Variants in SDK1 observed in about 807,000 individuals in gnomAD.
SDK1 encodes the protein protein sidekick-1.
SDK1 carries 157 observed loss-of-function variants against 245.5 expected under a neutral mutation model. The ratio of observed to expected loss-of-function variants is 0.64; its 90% confidence interval spans 0.56 to 0.73. The LOEUF is 0.73. Among genes scored for constraint, SDK1 ranks in the 30% least tolerant of loss-of-function variants. The pLI is 0.00. For missense variants in SDK1, 3,583 were observed against 3,002.3 expected (o/e 1.19, Z -4.52); for synonymous variants, 1,647 against 1,278.5 (o/e 1.29, Z -6.15).
chr7:3,539,276 A>G (rs1178842586), intron 1 of SDK1, among the ~76,000 whole-genome samples: 1 of 152,136 alleles, frequency 6.6e-6, no homozygotes, highest in Non-Finnish European at 1.5e-5. Flanking sequence ...GTTTTTAGCA[A>G]TTCCTTCAAA....
chr7:3,707,944 T>A (rs920371611), intron 4 of SDK1, among the ~76,000 whole-genome samples: 2 of 152,210 alleles, frequency 1.3e-5, no homozygotes, highest in Admixed American at 1.3e-4. Flanking sequence ...TTTTTATGAA[T>A]CCTCATGTAT....
intron 35 of SDK1, among the ~76,000 whole-genome samples, chr7:4,185,620 G>C (rs1369548254): frequency 6.6e-6 from 1 of 152,184 alleles, no homozygotes; most frequent in Non-Finnish European, 1.5e-5. Flanking sequence ...TGGGGCAGCT[G>C]TCTTCTCTTT....
intron 5 of SDK1, among the ~76,000 whole-genome samples, chr7:3,833,505 G>A (rs1461995923): frequency 6.6e-6 from 1 of 152,106 alleles, no homozygotes; most frequent in Non-Finnish European, 1.5e-5. Flanking sequence ...TTAAAACATT[G>A]GGATGTAAAG....
intron 2 of SDK1, among the ~76,000 whole-genome samples, chr7:3,637,637 T>C (rs1221985231): frequency 2.6e-5 from 4 of 152,250 alleles, no homozygotes; most frequent in Admixed American, 2.0e-4. Context: ...AAGGCTTTTA[T>C]AGAAACTGTA....
intron 1 of SDK1, among the ~76,000 whole-genome samples, chr7:3,349,209 A>AT (rs1780591178): frequency 6.6e-6 from 1 of 152,016 alleles, no homozygotes; most frequent in Non-Finnish European, 1.5e-5. Context: ...AACAAAAAAA[A>AT]CACAACAAAA....
intron 5 of SDK1, among the ~76,000 whole-genome samples, chr7:3,844,580 A>C (rs1045853082): frequency 6.6e-6 from 1 of 152,220 alleles, no homozygotes; most frequent in Admixed American, 6.5e-5. Context: ...TCCAACAGGG[A>C]GCTATGAAAC....
chr7:3,410,962 G>A (rs978391250), intron 1 of SDK1, among the ~76,000 whole-genome samples: 1 of 152,114 alleles, frequency 6.6e-6, no homozygotes, highest in African/African-American at 2.4e-5. Flanking sequence ...GCTTCATGGT[G>A]TAGAGGAAAG....
chr7:4,114,256 G>T lies in SDK1; in HGVS notation c.3805G>T (p.Gly1269Cys). 1 of 1,606,714 alleles carries T rather than the reference G, an allele frequency of 6.2e-7. No homozygotes were observed. Among genetic ancestry groups the T allele is most frequent in the African/African-American group, 1.3e-5 (1 of 74,940 alleles). ...GAGPWSEVVR[G>C]RTRESVPSAA... Reference sequence around the variant, plus strand: ...TGGGCCGTGGAGCGAGGTGGTGCGGGGCCGGACGCGGGAGTCAGGTGAGGG... The same window carrying T: ...TGGGCCGTGGAGCGAGGTGGTGCGGTGCCGGACGCGGGAGTCAGGTGAGGG... The change falls in exon 25 of 45, where the codon GGC becomes TGC. Residue 1269 changes from glycine to cysteine, a missense_variant. Gly to Cys is a radical substitution (Grantham distance 159). Coordinates refer to ENST00000404826, the MANE Select transcript of SDK1 (RefSeq NM_152744.4).
chr7:3,808,827 C>T (rs1371029388), intron 4 of SDK1, among the ~76,000 whole-genome samples: 1 of 152,086 alleles, frequency 6.6e-6, no homozygotes, highest in Admixed American at 6.5e-5. Flanking sequence ...AAATGCCATA[C>T]CTATCGTAGT....
intron 4 of SDK1, among the ~76,000 whole-genome samples, chr7:3,646,114 C>T (rs1258865086): frequency 6.6e-6 from 1 of 152,154 alleles, no homozygotes; most frequent in Admixed American, 6.5e-5. Context: ...ACCTCGGCCT[C>T]CCAGAGTGCT....
chr7:3,887,699 C>T (rs550886440), intron 5 of SDK1, among the ~76,000 whole-genome samples: 26 of 152,312 alleles, frequency 1.7e-4, no homozygotes, highest in Non-Finnish European at 3.4e-4. Flanking sequence ...TGTTCTACAT[C>T]ATATGAGTTT....
At chr7:3,472,043 G>C (rs1474823948) in intron 1 of SDK1, among the ~76,000 whole-genome samples, 2 of 152,096 alleles carry the variant, frequency 1.3e-5, no homozygotes, top group Non-Finnish European at 2.9e-5. Flanking sequence ...TTGTGTTTTT[G>C]CTGATGAGAT....
At chr7:4,076,216 A>C (rs565365024) in intron 20 of SDK1, among the ~76,000 whole-genome samples, 1 of 152,364 alleles carries the variant, frequency 6.6e-6, no homozygotes, top group East Asian at 1.9e-4. Flanking sequence ...AATTAGTTGC[A>C]ACCGAAGAGC....
chr7:3,475,259 T>G (rs1296063803), intron 1 of SDK1, among the ~76,000 whole-genome samples: 2 of 152,330 alleles, frequency 1.3e-5, no homozygotes, highest in East Asian at 3.9e-4. Flanking sequence ...TGGCCCTTCC[T>G]TGGATACTTG....
intron 1 of SDK1, among the ~76,000 whole-genome samples, chr7:3,311,454 C>T (rs551346927): frequency 1.8e-4 from 27 of 151,980 alleles, no homozygotes; most frequent in South Asian, 1.7e-3. Context: ...AAGAGTCAAC[C>T]GGTATGTTCT....
At chr7:4,243,832 C>T (rs556280952) in intron 43 of SDK1, among the ~76,000 whole-genome samples, 1 of 152,304 alleles carries the variant, frequency 6.6e-6, no homozygotes, top group African/African-American at 2.4e-5. Context: ...AGGGTCTGGG[C>T]AGGGACACCT....
chr7:3,533,209 G>T (rs1016735675), intron 1 of SDK1, among the ~76,000 whole-genome samples: 1 of 152,198 alleles, frequency 6.6e-6, no homozygotes, highest in African/African-American at 2.4e-5. Context: ...GAAGATTAAT[G>T]TCACTCCTGA....
intron 44 of SDK1, 114 bp downstream of exon 44, chr7:4,245,919 C>A: frequency 7.7e-7 from 1 of 1,295,086 alleles, no homozygotes; most frequent in Non-Finnish European, 1.1e-6. Flanking sequence ...TCCCCACAGG[C>A]AGAGCCAAGG....
intron 14 of SDK1, among the ~76,000 whole-genome samples, chr7:4,000,919 G>C (rs528004854): frequency 1.4e-4 from 22 of 152,230 alleles, no homozygotes; most frequent in South Asian, 1.2e-3. Flanking sequence ...GTTTATGAAG[G>C]GGGGACCATG....
Sources: gnomAD v4.1 joint callset for allele counts (sites outside exome capture counted in the v4.1 genomes callset) on GRCh38, gnomAD v4.1.1 for gene constraint, MANE v1.5 for transcripts, NCBI Gene and HGNC (gene_info 2026-07-23, HGNC 2026-07-21) for gene names.